Variants in S100A8 observed in about 807,000 individuals in gnomAD.
S100A8 encodes protein S100-A8.
In S100A8, 1 loss-of-function variant was observed where a neutral mutation model predicts 4.2. The observed-to-expected ratio is 0.24, with a 90% CI of 0.08 to 1.12. The LOEUF is 1.12. Among genes scored for constraint, S100A8 ranks in the 50% most tolerant of loss-of-function variants. The pLI, the probability that S100A8 is intolerant of heterozygous loss-of-function variation, is 0.53. For missense variants in S100A8, 96 were observed against 111.8 expected, an observed-to-expected ratio of 0.86 and a Z score of 0.64; for synonymous variants, 41 against 44.7, an observed-to-expected ratio of 0.92 and a Z score of 0.33.
chr1:153,417,440 T>C, the S100A8 span, among the ~76,000 whole-genome samples: 3 of 152,134 alleles, frequency 2.0e-5, no homozygotes, highest in Non-Finnish European at 4.4e-5. Context: ...GCAATTCTTG[T>C]TTCTCATTCC....
chr1:153,400,861 A>G, the S100A8 span, among the ~76,000 whole-genome samples: 1 of 152,256 alleles, frequency 6.6e-6, no homozygotes, highest in Non-Finnish European at 1.5e-5. Flanking sequence ...AGAAACAAAA[A>G]TAAAAGCAAA....
upstream of S100A8, among the ~76,000 whole-genome samples, chr1:153,394,583 C>T (rs1662173407): frequency 6.6e-6 from 1 of 152,142 alleles, no homozygotes; most frequent in South Asian, 2.1e-4. Context: ...GCAGAAGATG[C>T]CCTTCCACAG....
chr1:153,395,509 C>T (rs927330581), upstream of S100A8, among the ~76,000 whole-genome samples: 3 of 152,130 alleles, frequency 2.0e-5, no homozygotes, highest in African/African-American at 7.2e-5. Flanking sequence ...TGCCGCCTCC[C>T]TCCCTTCCGT....
At chr1:153,418,969 G>A in the S100A8 span, among the ~76,000 whole-genome samples, 1 of 152,110 alleles carries the variant, frequency 6.6e-6, no homozygotes, top group East Asian at 1.9e-4. Flanking sequence ...AGAACTCCAG[G>A]GATAACACTC....
the S100A8 span, chr1:153,419,614 T>C: frequency 2.6e-6 from 1 of 388,024 alleles, no homozygotes; most frequent in Non-Finnish European, 4.7e-6. Context: ...TGGAAGTTGG[T>C]AGAAGGCCCC....
chr1:153,419,298 G>GGAAGCCAGTGATCCAGCCCCACCA, the S100A8 span: 1 of 1,614,048 alleles, frequency 6.2e-7, no homozygotes, highest in Non-Finnish European at 8.5e-7. Context: ...CTGTTCTGGG[G>GGAAGCCAGTGATCCAGCCCCACCA]GAAGCCAGTG....
chr1:153,417,974 T>C, the S100A8 span: 1 of 1,496,946 alleles, frequency 6.7e-7, no homozygotes, highest in Non-Finnish European at 9.0e-7. Context: ...TTAGGGCTGT[T>C]TTTACTCTGT....
At chr1:153,401,586 C>T in the S100A8 span, among the ~76,000 whole-genome samples, 4 of 152,086 alleles carry the variant, frequency 2.6e-5, no homozygotes, top group African/African-American at 4.8e-5. Context: ...AACAATGTCC[C>T]GTGACATCCA....
the S100A8 span, chr1:153,421,257 G>C: frequency 6.6e-6 from 1 of 152,130 alleles, no homozygotes. Context: ...GACATTCAGA[G>C]GGTGAACCAC....
At chr1:153,415,951 T>C in the S100A8 span, among the ~76,000 whole-genome samples, 1 of 152,204 alleles carries the variant, frequency 6.6e-6, no homozygotes, top group Non-Finnish European at 1.5e-5. Flanking sequence ...CGTGTGATGA[T>C]TTGTTGTGTT....
the S100A8 span, among the ~76,000 whole-genome samples, chr1:153,408,090 A>G: frequency 1.3e-5 from 2 of 152,246 alleles, no homozygotes; most frequent in East Asian, 1.9e-4. Context: ...GCAGCTCCTC[A>G]CCAGCAACGG....
the S100A8 span, among the ~76,000 whole-genome samples, chr1:153,413,778 A>G: frequency 6.6e-6 from 1 of 152,122 alleles, no homozygotes; most frequent in Non-Finnish European, 1.5e-5. Context: ...GCAGGCGCCT[A>G]TAATCCCAGC....
chr1:153,414,878 C>T, the S100A8 span, among the ~76,000 whole-genome samples: 6 of 152,166 alleles, frequency 3.9e-5, no homozygotes, highest in South Asian at 2.1e-4. Flanking sequence ...CTAAATAACA[C>T]GCATTGTACC....
the S100A8 span, among the ~76,000 whole-genome samples, chr1:153,416,139 C>A: frequency 6.6e-6 from 1 of 152,186 alleles, no homozygotes; most frequent in Non-Finnish European, 1.5e-5. Context: ...CAGGCTGTCA[C>A]AACAAATGTG....
chr1:153,401,640 G>A, the S100A8 span, among the ~76,000 whole-genome samples: 2 of 152,160 alleles, frequency 1.3e-5, no homozygotes, highest in Non-Finnish European at 2.9e-5. Flanking sequence ...GTGAAATTGA[G>A]AAAGGAGGTT....
At chr1:153,408,258 T>C in the S100A8 span, among the ~76,000 whole-genome samples, 1 of 152,152 alleles carries the variant, frequency 6.6e-6, no homozygotes, top group African/African-American at 2.4e-5. Flanking sequence ...CTAACTAGAA[T>C]AGACAGCATA....
upstream of S100A8, among the ~76,000 whole-genome samples, chr1:153,393,079 CAT>C (rs750927488): frequency 1.3e-5 from 2 of 152,168 alleles, no homozygotes; most frequent in African/African-American, 2.4e-5. Flanking sequence ...CACAGAGAGA[CAT>C]AGTAATTCAG....
chr1:153,391,964 T>A (rs941100821), upstream of S100A8, among the ~76,000 whole-genome samples: 2 of 152,144 alleles, frequency 1.3e-5, no homozygotes, highest in African/African-American at 4.8e-5. Context: ...AGGTGGCCAA[T>A]TCCCCAGGAT....
the S100A8 span, among the ~76,000 whole-genome samples, chr1:153,415,362 A>G: frequency 5.9e-5 from 9 of 152,306 alleles, no homozygotes; most frequent in East Asian, 9.6e-4. Context: ...CATCAGCTCT[A>G]TGGAGCCCCA....
Sources: gnomAD v4.1 joint callset for allele counts (sites outside exome capture counted in the v4.1 genomes callset) on GRCh38, gnomAD v4.1.1 for gene constraint, MANE v1.5 for transcripts, NCBI Gene and HGNC (gene_info 2026-07-23, HGNC 2026-07-21) for gene names.